The following SLC25A28 variants were observed in gnomAD, a reference collection of about 807,000 sequenced individuals.
The protein encoded by SLC25A28 is mitoferrin-2.
SLC25A28 carries 10 observed loss-of-function variants against 31.9 expected under a neutral mutation model. The ratio of observed to expected loss-of-function variants is 0.31; its 90% CI spans 0.19 to 0.53. The LOEUF (loss-of-function observed/expected upper bound fraction) is 0.53. SLC25A28 is among the 20% of genes least tolerant of loss of function. The probability of loss-of-function intolerance (pLI) is 0.95; values close to 1 mark genes in which losing one functional copy is unlikely to be tolerated. For missense variants in SLC25A28, 256 were observed against 490.3 expected (o/e 0.52, Z 4.51); for synonymous variants, 208 against 203.6 (o/e 1.02, Z -0.19).
the SLC25A28 span, among the ~76,000 whole-genome samples, chr10:99,645,713 T>G: frequency 4.6e-5 from 7 of 152,352 alleles, no homozygotes; most frequent in Non-Finnish European, 7.3e-5. Context: ...TGGTTTTTGA[T>G]GATGGTGACG....
chr10:99,617,492 G>A (rs2034685683), intron 1 of SLC25A28: 3 of 920,484 alleles, frequency 3.3e-6, no homozygotes, highest in African/African-American at 2.5e-5. Flanking sequence ...CTTAAAGACT[G>A]GGCTGCTTTT....
upstream of SLC25A28, chr10:99,621,870 AG>A (rs2034802204): frequency 6.6e-6 from 1 of 152,208 alleles, no homozygotes; most frequent in Admixed American, 6.5e-5. Context: ...ATTAACCTTT[AG>A]GTCGCGACCG....
chr10:99,643,893 T>A, the SLC25A28 span, among the ~76,000 whole-genome samples: 1 of 152,252 alleles, frequency 6.6e-6, no homozygotes, highest in African/African-American at 2.4e-5. Context: ...AGTTTCTAAA[T>A]CCTGAGTTCT....
upstream of SLC25A28, among the ~76,000 whole-genome samples, chr10:99,622,475 C>T (rs2034814323): frequency 6.6e-6 from 1 of 152,238 alleles, no homozygotes; most frequent in Non-Finnish European, 1.5e-5. Flanking sequence ...TGCCAGATTA[C>T]TCCACTAATG....
At chr10:99,644,926 G>C in the SLC25A28 span, among the ~76,000 whole-genome samples, 445 of 152,330 alleles carry the variant, frequency 2.9e-3, 12 homozygotes, top group East Asian at 0.072. Context: ...GAGATCCGCT[G>C]TTAGTTTGAT....
chr10:99,650,188 C>T, the SLC25A28 span, among the ~76,000 whole-genome samples: 129,979 of 152,096 alleles, frequency 0.85, 55,637 homozygotes, highest in Middle Eastern at 0.92. Flanking sequence ...ATTTCTTTCT[C>T]TCTTTTTCAG....
At chr10:99,619,042 T>A (rs1040856755) in intron 1 of SLC25A28, 1 of 985,348 alleles carries the variant, frequency 1.0e-6, no homozygotes, top group African/African-American at 1.7e-5. Flanking sequence ...TCCTCACCTT[T>A]AATGGCTGGC....
chr10:99,642,430 T>C, the SLC25A28 span, among the ~76,000 whole-genome samples: 5 of 152,214 alleles, frequency 3.3e-5, no homozygotes. Flanking sequence ...ATCCTGACAC[T>C]TTGCTGAAGT....
At position 99,610,800 on chromosome 10, in the gene SLC25A28, C is replaced by G. The variant is rs547518141; in HGVS notation, c.*49G>C. ...GCATTCCAGGAGACAGAGAATGTGA[C>G]CAGGATGCAGCAGTGTCATCTGAAC... is the stretch of plus-strand genomic sequence containing the variant. On this transcript the variant is annotated 3_prime_UTR_variant, in exon 4 of 4. Transcript: ENST00000370495. The G allele has an allele frequency of 1.3e-6, 2 of 1,576,036 alleles. No individual in the cohort carries two copies. Among genetic ancestry groups the G allele is most frequent in the South Asian group, 2.3e-5 (2 of 85,364 alleles).
chr10:99,644,097 C>T, the SLC25A28 span, among the ~76,000 whole-genome samples: 1 of 152,162 alleles, frequency 6.6e-6, no homozygotes, highest in Non-Finnish European at 1.5e-5. Context: ...TGGTGCAGAG[C>T]TGAGTTCAAT....
chr10:99,622,799 A>T, upstream of SLC25A28: 1 of 613,056 alleles, frequency 1.6e-6, no homozygotes, highest in Non-Finnish European at 2.0e-6. Context: ...TCCTCATTGG[A>T]ACCCTATCTT....
chr10:99,647,788 C>A, the SLC25A28 span, among the ~76,000 whole-genome samples: 1 of 152,130 alleles, frequency 6.6e-6, no homozygotes, highest in Non-Finnish European at 1.5e-5. Context: ...ATAGTTCAGG[C>A]ATTACATTTA....
At chr10:99,657,843 A>G in the SLC25A28 span, among the ~76,000 whole-genome samples, 1 of 152,184 alleles carries the variant, frequency 6.6e-6, no homozygotes, top group Non-Finnish European at 1.5e-5. Context: ...TTCCCATGCT[A>G]ATACCCTCAA....
the SLC25A28 span, chr10:99,651,940 T>C: frequency 6.6e-6 from 1 of 152,166 alleles, no homozygotes; most frequent in Admixed American, 6.5e-5. Flanking sequence ...TGTGTGAGTG[T>C]GTATCTTGCT....
chr10:99,641,685 T>C, the SLC25A28 span, among the ~76,000 whole-genome samples: 1 of 152,174 alleles, frequency 6.6e-6, no homozygotes, highest in South Asian at 2.1e-4. Flanking sequence ...TCTTCTAGGG[T>C]TTTTATGGTT....
chr10:99,629,073 T>C, the SLC25A28 span, among the ~76,000 whole-genome samples: 8 of 152,308 alleles, frequency 5.3e-5, no homozygotes, highest in South Asian at 1.7e-3. Flanking sequence ...AATCTCATGA[T>C]GAAATTTGAT....
chr10:99,624,573 G>C (rs150069108), upstream of SLC25A28, among the ~76,000 whole-genome samples: 4,823 of 152,278 alleles, frequency 0.032, 235 homozygotes, highest in African/African-American at 0.11. Context: ...GGTGGCTCAT[G>C]CTTGTAATCC....
the SLC25A28 span, among the ~76,000 whole-genome samples, chr10:99,632,508 G>A: frequency 2.0e-5 from 3 of 151,816 alleles, no homozygotes; most frequent in Admixed American, 6.6e-5. Context: ...TTAGTACCAG[G>A]CATACTATAT....
the SLC25A28 span, among the ~76,000 whole-genome samples, chr10:99,636,130 G>T: frequency 6.6e-6 from 1 of 152,148 alleles, no homozygotes; most frequent in South Asian, 2.1e-4. Context: ...GGACTTAACA[G>T]ATATATACAG....
Sources: gnomAD v4.1 joint callset for allele counts (sites outside exome capture counted in the v4.1 genomes callset) on GRCh38, gnomAD v4.1.1 for gene constraint, MANE v1.5 for transcripts, NCBI Gene and HGNC (gene_info 2026-07-23, HGNC 2026-07-21) for gene names.